Variants in ABR observed in about 807,000 individuals in gnomAD.
ABR encodes the protein ABR activator of RhoGEF and GTPase.
ABR carries 35 observed loss-of-function variants against 107.2 expected under a neutral mutation model. The observed-to-expected ratio is 0.33, with a 90% CI of 0.25 to 0.43. The LOEUF is 0.43. ABR is among the 20% of genes least tolerant of loss of function. The pLI is 1.00. For synonymous variants in ABR, 498 were observed against 462.0 expected (o/e 1.08, Z -1.00); for missense variants, 815 against 1,115.2 (o/e 0.73, Z 3.83).
At chr17:1,156,473 C>T (rs143452700) in intron 1 of ABR, among the ~76,000 whole-genome samples, 189 of 152,242 alleles carry the variant, frequency 1.2e-3, no homozygotes, top group African/African-American at 4.4e-3. Context: ...CACCTGACGC[C>T]AGGAGTTCAA....
intron 1 of ABR, among the ~76,000 whole-genome samples, chr17:1,223,246 C>T (rs2043151014): frequency 6.6e-6 from 1 of 151,702 alleles, no homozygotes; most frequent in Admixed American, 6.6e-5. Flanking sequence ...TGGTGGCGGG[C>T]ACCAGTAATC....
intron 1 of ABR, among the ~76,000 whole-genome samples, chr17:1,194,765 T>A (rs2042517218): frequency 8.0e-6 from 1 of 124,656 alleles, no homozygotes; most frequent in East Asian, 3.8e-4. Context: ...GCAATCCTCC[T>A]GCCTCAGCCC....
chr17:1,161,132 C>T (rs567166120), intron 1 of ABR, among the ~76,000 whole-genome samples: 2 of 149,132 alleles, frequency 1.3e-5, no homozygotes, highest in African/African-American at 4.9e-5. Flanking sequence ...AAGGTTTTGT[C>T]GGAAATCCCC....
chr17:1,169,041 C>T (rs1294035168), intron 1 of ABR, among the ~76,000 whole-genome samples: 5 of 152,232 alleles, frequency 3.3e-5, no homozygotes, highest in Admixed American at 2.6e-4. Context: ...CTCCCCGTGA[C>T]GCACTCGCAA....
At chr17:1,203,436 A>AGGCTGCGGGGG (rs1169818299) in intron 1 of ABR, among the ~76,000 whole-genome samples, 3 of 21,624 alleles carry the variant, frequency 1.4e-4, no homozygotes, top group Admixed American at 3.9e-4. Context: ...GCCCGCGGGG[A>AGGCTGCGGGGG]CGGAGTCTGC....
chr17:1,134,857 G>A (rs1055966972), intron 1 of ABR, among the ~76,000 whole-genome samples: 75 of 152,204 alleles, frequency 4.9e-4, no homozygotes, highest in African/African-American at 1.5e-3. Flanking sequence ...GGAGTGCCTG[G>A]CACAGGGTGG....
intron 16 of ABR, among the ~76,000 whole-genome samples, chr17:1,025,437 T>C (rs543250004): frequency 4.1e-4 from 62 of 152,278 alleles, no homozygotes; most frequent in African/African-American, 1.4e-3. Context: ...TCAAAACATA[T>C]CGTCACAGAA....
chr17:1,125,533 C>A, intron 1 of ABR, 166 bp from the exon 2 acceptor site: 1 of 529,890 alleles, frequency 1.9e-6, no homozygotes, highest in Non-Finnish European at 3.0e-6. Context: ...TGGTGAGGGG[C>A]GGGGGAGAGC....
chr17:1,076,912 C>T (rs143700751), intron 6 of ABR, among the ~76,000 whole-genome samples: 19 of 152,300 alleles, frequency 1.2e-4, no homozygotes, highest in African/African-American at 4.3e-4. Context: ...GCTTCCTGCC[C>T]GGCCTCACCC....
intron 2 of ABR, among the ~76,000 whole-genome samples, chr17:1,123,148 C>G (rs1198775913): frequency 6.6e-6 from 1 of 152,028 alleles, no homozygotes; most frequent in Non-Finnish European, 1.5e-5. Context: ...CTAGGTGGGG[C>G]CGGTGACCCA....
At chr17:1,046,948 G>A (rs1457031408) in intron 16 of ABR, among the ~76,000 whole-genome samples, 1 of 152,202 alleles carries the variant, frequency 6.6e-6, no homozygotes, top group Non-Finnish European at 1.5e-5. Context: ...GACGCATGCT[G>A]CCGTCTGTCT....
At chr17:1,143,811 C>G (rs529296362) in intron 1 of ABR, among the ~76,000 whole-genome samples, 7 of 152,180 alleles carry the variant, frequency 4.6e-5, no homozygotes, top group African/African-American at 1.7e-4. Context: ...AGGCTGAGGC[C>G]CAGGGTGTCA....
chr17:1,018,213 T>G (rs1015642686), intron 16 of ABR, among the ~76,000 whole-genome samples: 2 of 151,866 alleles, frequency 1.3e-5, no homozygotes, highest in Non-Finnish European at 2.9e-5. Flanking sequence ...CGGCTAATTT[T>G]TTGTATTTTT....
At chr17:1,122,523 G>A (rs2039398556) in intron 2 of ABR, among the ~76,000 whole-genome samples, 1 of 152,162 alleles carries the variant, frequency 6.6e-6, no homozygotes, top group South Asian at 2.1e-4. Flanking sequence ...TGGGATGTTG[G>A]CCTCCTCCAG....
At chr17:1,182,987 C>A (rs766819416), upstream of ABR, among the ~76,000 whole-genome samples, 19 of 152,232 alleles carry the variant, frequency 1.2e-4, 1 homozygote, top group South Asian at 2.1e-3. Context: ...GGAACAGAAA[C>A]CTCCGCATCC....
upstream of ABR, among the ~76,000 whole-genome samples, chr17:1,192,071 C>T (rs2042448517): frequency 6.6e-6 from 1 of 152,174 alleles, no homozygotes; most frequent in African/African-American, 2.4e-5. Context: ...AAGGGGGAAA[C>T]TTTCCTGTTT....
At position 1,037,712 on chromosome 17, in the gene ABR, T is replaced by C. The variant is rs994484186; in HGVS notation, c.1791+12338A>G. The stretch of plus-strand genomic sequence containing the variant: ...CCGGGTCTCCCAGCACAGCCATAAA[T>C]TGCAGCCTGAGGCAGGAGGGGCTGA... On this transcript the variant is annotated intron_variant, in intron 16 of 22. Coordinates refer to ENST00000302538, the MANE Select transcript of ABR (RefSeq NM_021962.5). The surrounding 1 kb of genome is among the most constrained non-coding windows in gnomAD (Gnocchi z 4.6). 2.0e-5 allele frequency among the ~76,000 whole-genome samples: 3 copies of C among 152,072 alleles called. No individual in the cohort carries two copies. Among genetic ancestry groups the C allele is most frequent in the Non-Finnish European group, 4.4e-5 (3 of 68,014 alleles).
intron 16 of ABR, among the ~76,000 whole-genome samples, chr17:1,047,127 G>C (rs967087603): frequency 6.6e-6 from 1 of 152,244 alleles, no homozygotes; most frequent in Non-Finnish European, 1.5e-5. Context: ...AGAGAGAAGT[G>C]GGGGCCTCAG....
chr17:1,173,198 G>GCAACACATCACCTCAGCCCACC (rs2041799435), intron 1 of ABR, among the ~76,000 whole-genome samples: 7 of 23,222 alleles, frequency 3.0e-4, no homozygotes, highest in African/African-American at 9.5e-4. Context: ...CTCAGTCAAC[G>GCAACACATCACCTCAGCCCACC]CAACACATCA....
Sources: gnomAD v4.1 joint callset for allele counts (sites outside exome capture counted in the v4.1 genomes callset) on GRCh38, gnomAD v4.1.1 for gene constraint, Gnocchi (gnomAD v3.1) non-coding constraint, MANE v1.5 for transcripts, NCBI Gene and HGNC (gene_info 2026-07-23, HGNC 2026-07-21) for gene names.